Variants in ARNT2 observed in about 807,000 individuals in gnomAD.
ARNT2 encodes ARNT protein 2.
A neutral mutation model predicts 91.7 loss-of-function variants in ARNT2; 36 were observed. That is an observed-to-expected ratio of 0.39 (90% confidence interval 0.30 to 0.52). The LOEUF is 0.52. Among genes scored for constraint, ARNT2 ranks in the 20% least tolerant of loss-of-function variants. ARNT2 has a pLI of 0.72. For synonymous variants in ARNT2, 365 were observed against 347.1 expected, an observed-to-expected ratio of 1.05 and a Z score of -0.57; for missense variants, 775 against 939.3, an observed-to-expected ratio of 0.83 and a Z score of 2.29.
rs1251262651 is a variant in ARNT2 at position 80,404,507 on chromosome 15, C to G, written c.-9C>G. The stretch of plus-strand genomic sequence containing the variant: ...CCTGCCAAGCGGGCGCCTATCCTCT[C>G]CGAGCAAGATGGCAACCCCGGCGGC... On this transcript the variant is annotated 5_prime_UTR_variant, in exon 1 of 19. Coordinates refer to ENST00000303329, the MANE Select transcript of ARNT2 (RefSeq NM_014862.4). This position sits in a 1 kb window ranked among gnomAD's most constrained non-coding sequence, Gnocchi z 5.5. 4 of 1,238,346 alleles carry G rather than the reference C, an allele frequency of 3.2e-6. No individual in the cohort carries two copies. In the South Asian group the frequency reaches 6.3e-5, roughly 19 times the overall value. 76.7% of individuals were successfully genotyped at this position (1,238,346 alleles called of 1,614,324 possible).
At chr15:80,477,831 A>G (rs1403529717) in intron 5 of ARNT2, among the ~76,000 whole-genome samples, 1 of 152,232 alleles carries the variant, frequency 6.6e-6, no homozygotes, top group Non-Finnish European at 1.5e-5. Flanking sequence ...AATAACACTT[A>G]TGATAAGAGT....
rs548956454 is a variant in ARNT2 at position 80,520,445 on chromosome 15, G to T, written c.877+6040G>T. Among the ~76,000 whole-genome samples, 69 of 152,144 alleles carry T rather than the reference G, an allele frequency of 4.5e-4. 2 individuals carry two copies. Among genetic ancestry groups the T allele is most frequent in the Non-Finnish European group, 9.0e-4 (61 of 68,034 alleles). On this transcript the variant is annotated intron_variant, in intron 8 of 18. Transcript: ENST00000303329. Reference sequence around the variant, plus strand: ...TCTGTGTATTGAAGAAGGTAGTTAAGCAAGACGAGTAAATTACAGAGATTT... The same window carrying T: ...TCTGTGTATTGAAGAAGGTAGTTAATCAAGACGAGTAAATTACAGAGATTT...
chr15:80,526,804 A>G (rs957394841), intron 8 of ARNT2, among the ~76,000 whole-genome samples: 4 of 152,242 alleles, frequency 2.6e-5, no homozygotes, highest in African/African-American at 9.6e-5. Context: ...ACTTCACCAG[A>G]CAGCTCAGTT....
At chr15:80,502,095 A>G (rs911118979) in intron 5 of ARNT2, among the ~76,000 whole-genome samples, 5 of 152,210 alleles carry the variant, frequency 3.3e-5, no homozygotes, top group African/African-American at 1.2e-4. Flanking sequence ...AGGGAAGCTC[A>G]TAGCTCTGTA....
chr15:80,546,802 A>C (rs1897997749), intron 8 of ARNT2, among the ~76,000 whole-genome samples: 1 of 152,092 alleles, frequency 6.6e-6, no homozygotes, highest in Admixed American at 6.5e-5. Context: ...GTCTCTACTA[A>C]AAATACAAAA....
chr15:80,572,032 CCTT>C (rs1898593278), intron 12 of ARNT2, among the ~76,000 whole-genome samples: 2 of 152,182 alleles, frequency 1.3e-5, no homozygotes, highest in Admixed American at 6.5e-5. Flanking sequence ...CTTCCCTAAA[CCTT>C]CTTTAATCAT....
At chr15:80,457,070 G>T (rs1418503562) in intron 2 of ARNT2, among the ~76,000 whole-genome samples, 3 of 152,096 alleles carry the variant, frequency 2.0e-5, no homozygotes, top group Admixed American at 6.5e-5. Context: ...AAGGACTCTG[G>T]GTACACTTGA....
chr15:80,433,431 G>C (rs1896040935), intron 1 of ARNT2, among the ~76,000 whole-genome samples: 1 of 151,686 alleles, frequency 6.6e-6, no homozygotes, highest in South Asian at 2.1e-4. Flanking sequence ...GTCTACAGGT[G>C]CACACCACCA....
At chr15:80,445,932 C>T (rs1827221238) in intron 1 of ARNT2, among the ~76,000 whole-genome samples, 1 of 152,068 alleles carries the variant, frequency 6.6e-6, no homozygotes, top group Non-Finnish European at 1.5e-5. Flanking sequence ...GAGTTAGAAC[C>T]AGAAAAGCAA....
chr15:80,580,503 A>G lies in ARNT2; in HGVS notation c.1706A>G (p.Gln569Arg), dbSNP rs1292214666. 6.2e-7 allele frequency: 1 copy of G among 1,614,156 alleles called. No homozygotes were observed. The highest frequency in any genetic ancestry group is 8.5e-7 in the Non-Finnish European group (1 of 1,180,026). The change falls in exon 16 of 19, where the codon CAG becomes CGG. Residue 569 changes from glutamine (Q) to arginine (R), a missense_variant. Gln to Arg is a conservative substitution (Grantham distance 43). This residue lies in a region of ARNT2 where 325 missense variants were observed against 359.9 expected (regional missense o/e 0.90). Coordinates refer to ENST00000303329, the MANE Select transcript of ARNT2 (RefSeq NM_014862.4). Reference sequence around the variant, plus strand: ...TCCCAAATCTCCCGGCAGCTAAACCAGAGTCAGGTGGCATGGACAGGGAGT... The same window carrying G: ...TCCCAAATCTCCCGGCAGCTAAACCGGAGTCAGGTGGCATGGACAGGGAGT... Reference protein sequence around the residue: ...NMSQISRQLNQSQVAWTGSRP... With the variant: ...NMSQISRQLNRSQVAWTGSRP...
chr15:80,578,505 G>C (rs942542569), intron 15 of ARNT2, among the ~76,000 whole-genome samples: 1 of 151,592 alleles, frequency 6.6e-6, no homozygotes, highest in Admixed American at 6.6e-5. Flanking sequence ...TGGGGACCAT[G>C]CTGAGGAGGA....
At chr15:80,504,933 G>A (rs1348455716) in intron 5 of ARNT2, among the ~76,000 whole-genome samples, 1 of 152,154 alleles carries the variant, frequency 6.6e-6, no homozygotes, top group Non-Finnish European at 1.5e-5. Flanking sequence ...ATAGGGTGAG[G>A]AGGGAGTATG....
At chr15:80,580,636 G>A (rs1005025758) in intron 16 of ARNT2, 87 bp downstream of exon 16, 2 of 1,557,858 alleles carry the variant, frequency 1.3e-6, no homozygotes, top group Admixed American at 1.8e-5. Context: ...GCGGTTCTGA[G>A]GATGGGTCGG....
At chr15:80,410,418 G>T (rs1017584743) in intron 1 of ARNT2, among the ~76,000 whole-genome samples, 1 of 152,152 alleles carries the variant, frequency 6.6e-6, no homozygotes, top group Non-Finnish European at 1.5e-5. Flanking sequence ...GGGCCTGTGG[G>T]GTGTGCTCCA....
chr15:80,458,730 C>A (rs1755375341), intron 3 of ARNT2, among the ~76,000 whole-genome samples: 1 of 151,768 alleles, frequency 6.6e-6, no homozygotes. Flanking sequence ...CAGGAAGGCA[C>A]AAATCATTCC....
At chr15:80,430,508 G>A (rs996258962) in intron 1 of ARNT2, among the ~76,000 whole-genome samples, 1 of 152,222 alleles carries the variant, frequency 6.6e-6, no homozygotes, top group Non-Finnish European at 1.5e-5. Flanking sequence ...CCCAGGGCTA[G>A]GAGGAACCAT....
At chr15:80,499,909 A>G (rs1897168459) in intron 5 of ARNT2, among the ~76,000 whole-genome samples, 1 of 152,188 alleles carries the variant, frequency 6.6e-6, no homozygotes, top group Non-Finnish European at 1.5e-5. Context: ...AAATAGAGTA[A>G]GAGATGTCTT....
chr15:80,452,876 C>A (rs563329363), intron 2 of ARNT2, among the ~76,000 whole-genome samples: 1 of 152,214 alleles, frequency 6.6e-6, no homozygotes, highest in Non-Finnish European at 1.5e-5. Context: ...AGCCTGGTGT[C>A]CACACCCTGA....
At chr15:80,483,095 C>T (rs1446517570) in intron 5 of ARNT2, among the ~76,000 whole-genome samples, 1 of 152,000 alleles carries the variant, frequency 6.6e-6, no homozygotes, top group Admixed American at 6.5e-5. Flanking sequence ...GAAGGTAAAC[C>T]CTGGTAAAAT....
Sources: allele counts gnomAD v4.1 joint callset (sites outside exome capture counted in the v4.1 genomes callset), GRCh38; gene constraint gnomAD v4.1.1; regional missense constraint gnomAD v4.1.1; non-coding constraint Gnocchi (gnomAD v3.1); transcripts MANE v1.5; gene names NCBI Gene and HGNC (gene_info 2026-07-23, HGNC 2026-07-21).